SLC39A11: variants seen among roughly 807,000 people sequenced by gnomAD.
SLC39A11 encodes the protein solute carrier family 39 member 11.
A neutral mutation model predicts 36.1 loss-of-function variants in SLC39A11; 33 were observed. The ratio of observed to expected loss-of-function variants is 0.91; its 90% CI spans 0.69 to 1.22. The LOEUF is 1.22. SLC39A11 is among the 50% of genes most tolerant of loss of function. The probability of loss-of-function intolerance (pLI) is 0.00; values close to 1 mark genes in which losing one functional copy is unlikely to be tolerated. For synonymous variants in SLC39A11, 166 were observed against 170.3 expected, an observed-to-expected ratio of 0.97 and a Z score of 0.20; for missense variants, 432 against 430.3, an observed-to-expected ratio of 1.00 and a Z score of -0.03.
rs1041794256 is a variant in SLC39A11 at position 72,908,232 on chromosome 17, C to T, written c.430+39520G>A. ...CCTCCTGGGATGTTAACCAGCCAGC[C>T]TAATAAATCCACAGGTGTGAATGGG... On this transcript the variant is annotated intron_variant, in intron 5 of 9. Transcript: ENST00000255559. Among the ~76,000 whole-genome samples, 14 of 152,216 alleles carry T rather than the reference C, an allele frequency of 9.2e-5. 1 individual carries two copies. Among genetic ancestry groups the T allele is most frequent in the Admixed American group, 7.9e-4 (12 of 15,282 alleles).
chr17:73,037,541 T>G (rs569806404), intron 3 of SLC39A11, among the ~76,000 whole-genome samples: 1 of 152,214 alleles, frequency 6.6e-6, no homozygotes, highest in Non-Finnish European at 1.5e-5. Flanking sequence ...AGTCCCTTCA[T>G]AGCCCCGGAT....
chr17:73,084,746 G>A, intron 3 of SLC39A11, 62 bp downstream of exon 3: 1 of 1,565,824 alleles, frequency 6.4e-7, no homozygotes, highest in Non-Finnish European at 8.8e-7. Context: ...GACAGCCCTT[G>A]GCAGACACAT....
Position 73,050,444 on chromosome 17 carries a change from G to T in SLC39A11, c.148-18730C>A, listed in dbSNP as rs369639254. 1.5e-3 allele frequency among the ~76,000 whole-genome samples: 225 copies of T among 148,980 alleles called. 4 individuals are homozygous for T. The South Asian group carries it at 0.029, about 20-fold the overall frequency. Reference sequence around the variant, plus strand: ...AGGCAGTTAGGATCTTATAGGAGCAGGGAGCCATGTGAACTGACTTTTTTT... The same window carrying T: ...AGGCAGTTAGGATCTTATAGGAGCATGGAGCCATGTGAACTGACTTTTTTT... On this transcript the variant is annotated intron_variant, in intron 3 of 9. Transcript: ENST00000255559.
intron 4 of SLC39A11, among the ~76,000 whole-genome samples, chr17:72,971,342 T>G (rs1336795969): frequency 6.6e-6 from 1 of 151,378 alleles, no homozygotes; most frequent in Non-Finnish European, 1.5e-5. Flanking sequence ...ACACACTCTC[T>G]CTCTCTCTCT....
chr17:72,933,542 T>C (rs1478657690), intron 5 of SLC39A11, among the ~76,000 whole-genome samples: 1 of 152,194 alleles, frequency 6.6e-6, no homozygotes, highest in African/African-American at 2.4e-5. Flanking sequence ...TTTTCTGAGA[T>C]GGAGTCTTGC....
intron 5 of SLC39A11, among the ~76,000 whole-genome samples, chr17:72,929,550 A>C (rs1639705876): frequency 6.6e-6 from 1 of 152,192 alleles, no homozygotes. Flanking sequence ...GCAGCCTTGG[A>C]AGATCTGCTA....
intron 4 of SLC39A11, among the ~76,000 whole-genome samples, chr17:72,988,931 C>G (rs1361041181): frequency 6.6e-6 from 1 of 152,078 alleles, no homozygotes; most frequent in Non-Finnish European, 1.5e-5. Flanking sequence ...AATATGCAGG[C>G]AGAGCATGGT....
chr17:72,749,309 CT>C lies in SLC39A11; in HGVS notation c.602-12591del, dbSNP rs2075061585. On this transcript the variant is annotated intron_variant, in intron 6 of 9. Coordinates refer to ENST00000255559, the MANE Select transcript of SLC39A11 (RefSeq NM_139177.4). ...GCAACCCGGTAGCAAAGTTCCTTGA[CT>C]CTGAAGTCAGAGCCTCATCAATCAC... Among the ~76,000 whole-genome samples, 10 of 152,360 alleles carry C rather than the reference CT, an allele frequency of 6.6e-5. No individual in the cohort carries two copies. The South Asian group carries it at 2.1e-3, about 32-fold the overall frequency.
rs77999597 is a variant in SLC39A11 at position 72,990,756 on chromosome 17, C to T, written c.306+40800G>A. 1.5e-3 allele frequency among the ~76,000 whole-genome samples: 223 copies of T among 150,894 alleles called. 1 individual carries two copies. The highest frequency in any genetic ancestry group is 2.0e-3 in the Non-Finnish European group (135 of 67,630). On this transcript the variant is annotated intron_variant, in intron 4 of 9. Coordinates refer to ENST00000255559, the MANE Select transcript of SLC39A11 (RefSeq NM_139177.4). ...ATCAGGATTTTCTAATAATTCTCCCCGACCAACACACACACATCTACACTA... is the reference window on the plus strand; with the variant it reads ...ATCAGGATTTTCTAATAATTCTCCCTGACCAACACACACACATCTACACTA...
chr17:72,865,931 T>G (rs2080279290), intron 5 of SLC39A11, among the ~76,000 whole-genome samples: 1 of 152,202 alleles, frequency 6.6e-6, no homozygotes, highest in South Asian at 2.1e-4. Flanking sequence ...AGTCGGATAT[T>G]GGCTCAATGA....
rs368726903 is a variant in SLC39A11 at position 72,712,246 on chromosome 17, G to A, written c.671+24404C>T. Among the ~76,000 whole-genome samples the A allele has an allele frequency of 4.0e-4, 61 of 152,316 alleles. 1 individual carries two copies. Among genetic ancestry groups the A allele is most frequent in the African/African-American group, 1.4e-3 (60 of 41,594 alleles). On this transcript the variant is annotated intron_variant, in intron 7 of 9. Transcript: ENST00000255559. ...GGCTCCAAAGACATGTGACATATGTGGACTTCTTCTCCCTGTTTTCATCTG... is the reference window on the plus strand; with the variant it reads ...GGCTCCAAAGACATGTGACATATGTAGACTTCTTCTCCCTGTTTTCATCTG...
rs544940765 is a variant in SLC39A11, at chr17:73,007,461, C to T, written c.306+24095G>A. Among the ~76,000 whole-genome samples the T allele has an allele frequency of 1.4e-3, 217 of 152,292 alleles. 1 individual carries two copies. Among genetic ancestry groups the T allele is most frequent in the African/African-American group, 4.5e-3 (188 of 41,564 alleles). On this transcript the variant is annotated intron_variant, in intron 4 of 9. Transcript: ENST00000255559. ...AGACACAGCAGACACAGCCTCAGGG[C>T]AACGCCATCATCATCATGGACTAAT...
chr17:72,934,535 G>A (rs1157578016), intron 5 of SLC39A11, among the ~76,000 whole-genome samples: 1 of 152,116 alleles, frequency 6.6e-6, no homozygotes, highest in Admixed American at 6.6e-5. Context: ...GCAGGGTGGC[G>A]TGTGCCTGTA....
At chr17:72,863,355 T>C (rs1347609042) in intron 5 of SLC39A11, among the ~76,000 whole-genome samples, 1 of 151,912 alleles carries the variant, frequency 6.6e-6, no homozygotes, top group Non-Finnish European at 1.5e-5. Context: ...AGAGCAAGTG[T>C]CAGCATATGC....
At chr17:72,868,618 C>CAAAAAAAAAAAA (rs71354894) in intron 5 of SLC39A11, among the ~76,000 whole-genome samples, 58 of 56,488 alleles carry the variant, frequency 1.0e-3, no homozygotes, top group East Asian at 1.8e-3. Context: ...CCTGTCTCTA[C>CAAAAAAAAAAAA]AAAAAAAAAA....
intron 4 of SLC39A11, among the ~76,000 whole-genome samples, chr17:73,011,813 C>T (rs1309619760): frequency 6.6e-6 from 1 of 151,302 alleles, no homozygotes; most frequent in Non-Finnish European, 1.5e-5. Context: ...GGGCACCCAC[C>T]ACCATGCCCG....
intron 6 of SLC39A11, among the ~76,000 whole-genome samples, chr17:72,825,109 C>T (rs948331691): frequency 1.7e-4 from 25 of 148,098 alleles, no homozygotes; most frequent in African/African-American, 5.6e-4. Flanking sequence ...TTTGTGGAAG[C>T]CCCTTCCATC....
At chr17:72,730,490 T>C (rs1032599090) in intron 7 of SLC39A11, among the ~76,000 whole-genome samples, 2 of 152,204 alleles carry the variant, frequency 1.3e-5, no homozygotes, top group Non-Finnish European at 2.9e-5. Flanking sequence ...GAACTGAACA[T>C]TTAAAAAGCA....
chr17:72,652,124 C>T (rs543875451), intron 7 of SLC39A11, among the ~76,000 whole-genome samples: 13 of 152,312 alleles, frequency 8.5e-5, no homozygotes, highest in East Asian at 1.9e-4. Context: ...ATGGACAGTA[C>T]ATAAACCATT....
Sources: allele counts gnomAD v4.1 joint callset (sites outside exome capture counted in the v4.1 genomes callset), GRCh38; gene constraint gnomAD v4.1.1; transcripts MANE v1.5; gene names NCBI Gene and HGNC (gene_info 2026-07-23, HGNC 2026-07-21).